NMBR: variants seen among roughly 807,000 people sequenced by gnomAD.
NMBR encodes neuromedin-B receptor.
A neutral mutation model predicts 20.5 loss-of-function variants in NMBR; 16 were observed. That is an observed-to-expected ratio of 0.78 (90% confidence interval 0.53 to 1.19). NMBR has a LOEUF of 1.19. Among genes scored for constraint, NMBR ranks in the 50% most tolerant of loss-of-function variants. The probability of loss-of-function intolerance (pLI) is 0.00; values close to 1 mark genes in which losing one functional copy is unlikely to be tolerated. For missense variants in NMBR, 582 were observed against 499.1 expected (o/e 1.17, Z -1.58); for synonymous variants, 212 against 196.6 (o/e 1.08, Z -0.65).
At chr6:142,123,224 C>A (rs1242056531) in intron 1 of NMBR, among the ~76,000 whole-genome samples, 1 of 151,882 alleles carries the variant, frequency 6.6e-6, no homozygotes, top group Non-Finnish European at 1.5e-5. Context: ...GAGGAAGTAA[C>A]TGCAGATGGG....
chr6:142,112,317 TG>T (rs1777780684), intron 1 of NMBR, among the ~76,000 whole-genome samples: 1 of 152,238 alleles, frequency 6.6e-6, no homozygotes, highest in Admixed American at 6.5e-5. Context: ...ATCACCACAA[TG>T]TAATCTAGTT....
At chr6:142,145,107 G>T (rs1039518381) in intron 1 of NMBR, among the ~76,000 whole-genome samples, 5 of 151,662 alleles carry the variant, frequency 3.3e-5, no homozygotes, top group Non-Finnish European at 5.9e-5. Flanking sequence ...GCAGATCAGA[G>T]AGTAAAATCC....
intron 1 of NMBR, chr6:142,134,621 T>C (rs2114609945): frequency 2.9e-6 from 2 of 681,658 alleles, no homozygotes; most frequent in South Asian, 3.2e-5. Flanking sequence ...CAAGAATGCA[T>C]TCTTCAAAAG....
intron 2 of NMBR, among the ~76,000 whole-genome samples, chr6:142,081,407 C>T (rs938641365): frequency 2.2e-4 from 34 of 152,100 alleles, no homozygotes; most frequent in African/African-American, 7.7e-4. Context: ...ACAGAAATCT[C>T]GGTTTAGAGA....
Position 142,088,271 on chromosome 6 carries a change from A to C in NMBR, c.388T>G (p.Ser130Ala). The change falls in exon 2 of 4, where the codon TCC becomes GCC. Residue 130 changes from serine to alanine, a missense_variant. Ser to Ala is a moderately conservative substitution (Grantham distance 99). Transcript: ENST00000258042. ...PVIQLTSVGV[S>A]VFTLTALSAD... ...CTGAGGGCAGTGAGAGTGAACACGG[A>C]AACCCCCACGGAAGTGAGCTGGATG... 2 of 1,613,502 alleles carry C rather than the reference A, an allele frequency of 1.2e-6. No homozygotes were observed. Among genetic ancestry groups the C allele is most frequent in the Non-Finnish European group, 1.7e-6 (2 of 1,180,016 alleles).
At chr6:142,101,532 G>A (rs181246827) in intron 1 of NMBR, among the ~76,000 whole-genome samples, 20 of 152,148 alleles carry the variant, frequency 1.3e-4, no homozygotes, top group African/African-American at 4.6e-4. Context: ...TAGGTTACAG[G>A]GTAGCTCTTT....
At chr6:142,135,775 T>C (rs1055609538) in intron 1 of NMBR, among the ~76,000 whole-genome samples, 17 of 152,030 alleles carry the variant, frequency 1.1e-4, no homozygotes, top group Non-Finnish European at 2.5e-4. Flanking sequence ...GATAGTTTAC[T>C]GAGAATGATG....
At chr6:142,093,702 G>C (rs570200128) in intron 1 of NMBR, among the ~76,000 whole-genome samples, 1 of 152,188 alleles carries the variant, frequency 6.6e-6, no homozygotes, top group South Asian at 2.1e-4. Flanking sequence ...GGTAATTCTA[G>C]TTCTAGATCC....
chr6:142,093,477 G>C (rs985913554), intron 1 of NMBR, among the ~76,000 whole-genome samples: 1 of 151,370 alleles, frequency 6.6e-6, no homozygotes, highest in Non-Finnish European at 1.5e-5. Flanking sequence ...ACAAAGGACA[G>C]GAACTCATCA....
At chr6:142,093,373 A>G (rs1183953799) in intron 1 of NMBR, among the ~76,000 whole-genome samples, 3 of 136,952 alleles carry the variant, frequency 2.2e-5, no homozygotes, top group East Asian at 2.2e-4. Context: ...TCATTGTTCA[A>G]TTCCCACCTA....
intron 1 of NMBR, among the ~76,000 whole-genome samples, chr6:142,114,072 A>G (rs1777813352): frequency 6.6e-6 from 1 of 152,142 alleles, no homozygotes; most frequent in East Asian, 1.9e-4. Flanking sequence ...GAAAAGCGCC[A>G]CTCAAAGCCT....
At chr6:142,116,589 C>T (rs1026857818) in intron 1 of NMBR, among the ~76,000 whole-genome samples, 51 of 152,090 alleles carry the variant, frequency 3.4e-4, no homozygotes, top group Non-Finnish European at 6.0e-4. Flanking sequence ...TCATTTGATT[C>T]CCAACTGTTC....
At chr6:142,106,838 C>T (rs1280715097) in intron 1 of NMBR, among the ~76,000 whole-genome samples, 1 of 152,078 alleles carries the variant, frequency 6.6e-6, no homozygotes, top group Non-Finnish European at 1.5e-5. Context: ...GACAAGATGG[C>T]CAGAAAAGCA....
chr6:142,111,205 A>C (rs1336616619), intron 1 of NMBR, among the ~76,000 whole-genome samples: 2 of 151,016 alleles, frequency 1.3e-5, no homozygotes, highest in African/African-American at 4.9e-5. Flanking sequence ...GTGCCACTGC[A>C]CTCCTGCCTG....
chr6:142,092,170 G>A (rs944858015), intron 1 of NMBR, among the ~76,000 whole-genome samples: 2 of 152,116 alleles, frequency 1.3e-5, no homozygotes, highest in South Asian at 2.1e-4. Flanking sequence ...TGAGAGAAAG[G>A]AGATACTAAT....
chr6:142,130,356 T>C (rs1225049037), intron 1 of NMBR, among the ~76,000 whole-genome samples: 1 of 152,062 alleles, frequency 6.6e-6, no homozygotes, highest in African/African-American at 2.4e-5. Context: ...CTTTCTAATG[T>C]AAGAAATGGT....
chr6:142,098,181 T>C (rs896235527), intron 1 of NMBR, among the ~76,000 whole-genome samples: 2 of 151,998 alleles, frequency 1.3e-5, no homozygotes, highest in Non-Finnish European at 2.9e-5. Context: ...ACCCTTCACA[T>C]CCAAGAGGCT....
At chr6:142,099,317 T>C (rs1340793916) in intron 1 of NMBR, among the ~76,000 whole-genome samples, 2 of 152,170 alleles carry the variant, frequency 1.3e-5, no homozygotes, top group Non-Finnish European at 2.9e-5. Flanking sequence ...AGATGTTTAA[T>C]TGACTCATAG....
Position 142,088,542 on chromosome 6 carries a change from C to G in NMBR, c.117G>C (p.Glu39Asp). 1.2e-6 allele frequency: 2 copies of G among 1,614,052 alleles called. No individual in the cohort carries two copies. Among genetic ancestry groups the G allele is most frequent in the Non-Finnish European group, 1.7e-6 (2 of 1,180,004 alleles). Residue 39 changes from glutamate to aspartate, a missense_variant, in exon 2 of 4, where the codon GAG (glutamate) becomes GAC (aspartate). Glu to Asp is a conservative substitution (Grantham distance 45, BLOSUM62 2). Coordinates refer to ENST00000258042, the MANE Select transcript of NMBR (RefSeq NM_002511.4). ...FLPASDGTTT[E>D]LVIRCVIPSL... ...ACGGGATCACACAGCGGATCACCAA[C>G]TCCGTGGTGGTCCCGTCCGAGGCCG... is the stretch of plus-strand genomic sequence containing the variant.
Sources: allele counts gnomAD v4.1 joint callset (sites outside exome capture counted in the v4.1 genomes callset), GRCh38; gene constraint gnomAD v4.1.1; transcripts MANE v1.5; gene names NCBI Gene and HGNC (gene_info 2026-07-23, HGNC 2026-07-21).